Variants in OR51D1 observed in about 807,000 individuals in gnomAD.
The protein encoded by OR51D1 is olfactory receptor 51D1.
For synonymous variants in OR51D1, 187 were observed against 161.1 expected (o/e 1.16, Z -1.22); for missense variants, 452 against 396.2 (o/e 1.14, Z -1.20).
In OR51D1 at chr11:4,640,237, G is replaced by C; in HGVS notation, c.447G>C (p.Leu149=). 6.2e-7 allele frequency: 1 copy of C among 1,614,232 alleles called. No homozygotes were observed. Among genetic ancestry groups the C allele is most frequent in the South Asian group, 1.1e-5 (1 of 91,088 alleles). ...ICHPLRHASV[L]TGCTVAKIGL... The stretch of plus-strand genomic sequence containing the variant: ...ACCCATTGCGCCATGCTTCTGTGCT[G>C]ACAGGGTGTACTGTGGCCAAGATTG... Residue 149 remains leucine, a synonymous_variant, in exon 2 of 2, where the codon CTG becomes CTC. Coordinates refer to ENST00000641817, the MANE Select transcript of OR51D1 (RefSeq NM_001004751.3).
At chr11:4,639,745 A>G in intron 1 of OR51D1, 32 bp from the exon 2 acceptor site, 1 of 1,577,702 alleles carries the variant, frequency 6.3e-7, no homozygotes, top group Non-Finnish European at 8.6e-7. Flanking sequence ...CAACTAAATG[A>G]TGTTTCTACT....
chr11:4,639,517 A>T (rs989598563), intron 1 of OR51D1, among the ~76,000 whole-genome samples: 3 of 152,208 alleles, frequency 2.0e-5, no homozygotes, highest in Non-Finnish European at 4.4e-5. Flanking sequence ...GTGGGTCTTC[A>T]CACACTGAGA....
In OR51D1 at chr11:4,639,899, C is replaced by A. The variant is rs749655480; in HGVS notation, c.109C>A (p.His37Asn). ...VGIPGLGPTI[H>N]FWLAFPLCFM... The stretch of plus-strand genomic sequence containing the variant: ...TATCCCTGGCCTGGGGCCTACCATA[C>A]ACTTTTGGCTGGCTTTCCCACTGTG... The change falls in exon 2 of 2, where the codon CAC becomes AAC. Residue 37 changes from histidine (H) to asparagine (N), a missense_variant. Physicochemically the swap from His to Asn is moderately conservative, Grantham distance 68 (BLOSUM62 1). Transcript: ENST00000641817. 1 of 1,614,248 alleles carries A rather than the reference C, an allele frequency of 6.2e-7. No homozygotes were observed. The highest frequency in any genetic ancestry group is 8.5e-7 in the Non-Finnish European group (1 of 1,180,044).
chr11:4,640,041 T>C lies in OR51D1; in HGVS notation c.251T>C (p.Leu84Pro), dbSNP rs760047300. The change falls in exon 2 of 2, where the codon CTA becomes CCA. Residue 84 changes from leucine (L) to proline (P), a missense_variant. Leu to Pro is a moderately conservative substitution (Grantham distance 98, BLOSUM62 -3). Coordinates refer to ENST00000641817, the MANE Select transcript of OR51D1 (RefSeq NM_001004751.3). Reference protein sequence around the residue: ...LFLAMLSTIDLVLSSITMPKM... With the variant: ...LFLAMLSTIDPVLSSITMPKM... ...CTGGCCATGCTTTCCACTATTGACC[T>C]AGTCCTCTCCTCTATCACCATGCCC... is the stretch of plus-strand genomic sequence containing the variant. 1 of 1,614,202 alleles carries C rather than the reference T, an allele frequency of 6.2e-7. No homozygotes were observed.
chr11:4,641,518 C>T lies in OR51D1; in HGVS notation c.*753C>T, dbSNP rs561159871. 9 of 152,390 alleles carry T rather than the reference C, an allele frequency of 5.9e-5. No homozygotes were observed. Among genetic ancestry groups the T allele is most frequent in the Admixed American group, 1.3e-4 (2 of 15,280 alleles). The allele number at this position is 152,390 out of a possible 1,614,324, so 9.4% of individuals were successfully genotyped here. On this transcript the variant is annotated 3_prime_UTR_variant, in exon 2 of 2. Transcript: ENST00000641817. Reference sequence around the variant, plus strand: ...CCTGGCACATGTATGTTTCATGAGACGTGTCTCTGATTGCGCATTTGTATT... The same window carrying T: ...CCTGGCACATGTATGTTTCATGAGATGTGTCTCTGATTGCGCATTTGTATT...
chr11:4,639,963 T>C lies in OR51D1; in HGVS notation c.173T>C (p.Ile58Thr), dbSNP rs752892277. Residue 58 changes from isoleucine (I) to threonine (T), a missense_variant, in exon 2 of 2, where the codon ATT becomes ACT. Ile to Thr is a moderately conservative substitution (Grantham distance 89). Transcript: ENST00000641817. ...YALATLGNLT[I>T]VLIIRVERRL... ...TTGGCCACCCTGGGTAACCTGACCATTGTCCTCATCATTCGTGTGGAGAGG... is the reference window on the plus strand; with the variant it reads ...TTGGCCACCCTGGGTAACCTGACCACTGTCCTCATCATTCGTGTGGAGAGG... 3.1e-6 allele frequency: 5 copies of C among 1,614,078 alleles called. No individual in the cohort carries two copies. In the South Asian group the frequency reaches 4.4e-5, roughly 14 times the overall value.
Position 4,642,227 on chromosome 11 carries a change from G to A in OR51D1, c.*1462G>A, listed in dbSNP as rs1048568487. ...TCATCCTGAACACAAGGATTTCAAG[G>A]GCTTTTGTTACCTCTTCCTACGTTT... On this transcript the variant is annotated 3_prime_UTR_variant, in exon 2 of 2. Coordinates refer to ENST00000641817, the MANE Select transcript of OR51D1 (RefSeq NM_001004751.3). The A allele has an allele frequency of 2.0e-5, 3 of 152,092 alleles. No individual in the cohort carries two copies. Among genetic ancestry groups the A allele is most frequent in the Admixed American group, 2.0e-4 (3 of 15,256 alleles). The allele number at this position is 152,092 out of a possible 1,614,324, so 9.4% of individuals were successfully genotyped here. A position where few individuals can be genotyped will look rare whatever the true frequency, so the allele number is the denominator to read the frequency against.
chr11:4,640,176 T>C lies in OR51D1; in HGVS notation c.386T>C (p.Leu129Pro). The change falls in exon 2 of 2, where the codon CTG (leucine) becomes CCG (proline). Residue 129 changes from leucine (L) to proline (P), a missense_variant. By Grantham distance (98) the Leu-to-Pro change is moderately conservative (BLOSUM62 -3). Transcript: ENST00000641817. ...ALSAVESAVL[L>P]AMAFDRFVAI... ...TCAGCCGTGGAGTCAGCTGTCCTGC[T>C]GGCCATGGCTTTTGACCGCTTTGTG... 1.9e-6 allele frequency: 3 copies of C among 1,614,268 alleles called. No individual in the cohort carries two copies. The highest frequency in any genetic ancestry group is 2.5e-6 in the Non-Finnish European group (3 of 1,180,056).
In OR51D1 at chr11:4,640,874, A is replaced by G. The variant is rs1846960822; in HGVS notation, c.*109A>G. 3.0e-6 allele frequency: 3 copies of G among 997,750 alleles called. No individual in the cohort carries two copies. Among genetic ancestry groups the G allele is most frequent in the Non-Finnish European group, 4.4e-6 (3 of 681,552 alleles). The allele number at this position is 997,750 out of a possible 1,614,324, so 61.8% of individuals were successfully genotyped here. A position where few individuals can be genotyped will look rare whatever the true frequency, so the allele number is the denominator to read the frequency against. On this transcript the variant is annotated 3_prime_UTR_variant, in exon 2 of 2. Coordinates refer to ENST00000641817, the MANE Select transcript of OR51D1 (RefSeq NM_001004751.3). ...CAAACCTATTGTGCTGTCTTCTTCC[A>G]GCAATTTAAGTAGATCATGTATTCT...
At chr11:4,638,709 C>A (rs910972295) in intron 1 of OR51D1, among the ~76,000 whole-genome samples, 4 of 152,180 alleles carry the variant, frequency 2.6e-5, no homozygotes, top group African/African-American at 4.8e-5. Context: ...CCCAAGAACA[C>A]CAGAACAACT....
intron 1 of OR51D1, among the ~76,000 whole-genome samples, chr11:4,639,511 G>T (rs1415925855): frequency 1.3e-5 from 2 of 152,202 alleles, no homozygotes; most frequent in Non-Finnish European, 2.9e-5. Context: ...TTATGAGTGG[G>T]TCTTCACACA....
chr11:4,640,797 A>G lies in OR51D1; in HGVS notation c.*32A>G, dbSNP rs777789165. 4.5e-6 allele frequency: 7 copies of G among 1,565,664 alleles called. No homozygotes were observed. The highest frequency in any genetic ancestry group is 2.2e-5 in the East Asian group (1 of 44,506). On this transcript the variant is annotated 3_prime_UTR_variant, in exon 2 of 2. Coordinates refer to ENST00000641817, the MANE Select transcript of OR51D1 (RefSeq NM_001004751.3). ...TTAGTGTCTCGCTTCTACTACTACT[A>G]CAGAAGATGGGAATATTAGGATCCT...
intron 1 of OR51D1, among the ~76,000 whole-genome samples, chr11:4,639,004 G>A (rs11033129): frequency 6.6e-6 from 1 of 151,940 alleles, no homozygotes; most frequent in African/African-American, 2.4e-5. Flanking sequence ...TGTTGGCCTG[G>A]CTGGTCTCGA....
chr11:4,639,771 T>C lies in OR51D1; in HGVS notation c.-14-6T>C. The C allele has an allele frequency of 1.2e-6, 2 of 1,607,544 alleles. No homozygotes were observed. The highest frequency in any genetic ancestry group is 1.7e-6 in the Non-Finnish European group (2 of 1,175,880). On this transcript the variant is annotated splice_region_variant and splice_polypyrimidine_tract_variant and intron_variant, in intron 1 of 1. Coordinates refer to ENST00000641817, the MANE Select transcript of OR51D1 (RefSeq NM_001004751.3). ...TGTTTCTACTTTTCCCTTTCTACTT[T>C]CCTAGACCCTGGATTTTGTATGCAG...
At position 4,640,084 on chromosome 11, in the gene OR51D1, C is replaced by T. The variant is rs774121113; in HGVS notation, c.294C>T (p.Phe98=). The change falls in exon 2 of 2, where the codon TTC becomes TTT. Residue 98 remains phenylalanine, a synonymous_variant. Coordinates refer to ENST00000641817, the MANE Select transcript of OR51D1 (RefSeq NM_001004751.3). ...CCATGCCCAAGATGGCCAGTCTTTTCCTGATGGGCATCCAGGAGATCGAGT... is the reference window on the plus strand; with the variant it reads ...CCATGCCCAAGATGGCCAGTCTTTTTCTGATGGGCATCCAGGAGATCGAGT... ...SITMPKMASL[F]LMGIQEIEFN... is the part of the protein sequence containing the mutation. The T allele has an allele frequency of 2.5e-6, 4 of 1,614,200 alleles. No homozygotes were observed. The East Asian group carries it at 6.7e-5, about 27-fold the overall frequency.
chr11:4,640,494 T>C lies in OR51D1; in HGVS notation c.704T>C (p.Leu235Pro), dbSNP rs1164962170. 1 of 1,613,992 alleles carries C rather than the reference T, an allele frequency of 6.2e-7. No individual in the cohort carries two copies. Among genetic ancestry groups the C allele is most frequent in the Non-Finnish European group, 8.5e-7 (1 of 1,180,046 alleles). The change falls in exon 2 of 2, where the codon CTG (leucine) becomes CCG (proline). Residue 235 changes from leucine (L) to proline (P), a missense_variant. By Grantham distance (98) the Leu-to-Pro change is moderately conservative. Coordinates refer to ENST00000641817, the MANE Select transcript of OR51D1 (RefSeq NM_001004751.3). ...ATTGGCTTCTCATATATCCTCATCC[T>C]GTGGGCTGTTTTGGAGCTGTCCTCT... ...LFIGFSYILI[L>P]WAVLELSSRR...
In OR51D1 at chr11:4,639,789, G is replaced by T; in HGVS notation, c.-2G>T. ...TCTACTTTCCTAGACCCTGGATTTT[G>T]TATGCAGAAGCCCCAGCTCTTGGTC... On this transcript the variant is annotated 5_prime_UTR_variant, in exon 2 of 2. Coordinates refer to ENST00000641817, the MANE Select transcript of OR51D1 (RefSeq NM_001004751.3). 1 of 1,610,582 alleles carries T rather than the reference G, an allele frequency of 6.2e-7. No individual in the cohort carries two copies. Among genetic ancestry groups the T allele is most frequent in the Non-Finnish European group, 8.5e-7 (1 of 1,177,602 alleles).
In OR51D1 at chr11:4,639,952, T is replaced by C; in HGVS notation, c.162T>C (p.Gly54=). The change falls in exon 2 of 2, where the codon GGT becomes GGC. Residue 54 remains glycine (G), a synonymous_variant. Coordinates refer to ENST00000641817, the MANE Select transcript of OR51D1 (RefSeq NM_001004751.3). ...TTATGTATGCCTTGGCCACCCTGGGTAACCTGACCATTGTCCTCATCATTC... is the reference window on the plus strand; with the variant it reads ...TTATGTATGCCTTGGCCACCCTGGGCAACCTGACCATTGTCCTCATCATTC... ...LCFMYALATL[G]NLTIVLIIRV... 1 of 1,614,224 alleles carries C rather than the reference T, an allele frequency of 6.2e-7. No individual in the cohort carries two copies. The highest frequency in any genetic ancestry group is 1.1e-5 in the South Asian group (1 of 91,080).
rs1296415166 is a variant in OR51D1, at chr11:4,640,367, C to A, written c.577C>A (p.Leu193Met). ...ACATACTGTCACACACTCCTTCTGT[C>A]TGCACCAAGATATTATGAAGCTGTC... ...QTHTVTHSFCLHQDIMKLSCT... is the reference protein window; with the variant it reads ...QTHTVTHSFCMHQDIMKLSCT... Residue 193 changes from leucine (L) to methionine (M), a missense_variant, in exon 2 of 2, where the codon CTG becomes ATG. Transcript: ENST00000641817. 1 of 1,614,114 alleles carries A rather than the reference C, an allele frequency of 6.2e-7. No individual in the cohort carries two copies. Among genetic ancestry groups the A allele is most frequent in the Non-Finnish European group, 8.5e-7 (1 of 1,180,046 alleles).
Sources: gnomAD v4.1 joint callset for allele counts (sites outside exome capture counted in the v4.1 genomes callset) on GRCh38, gnomAD v4.1.1 for gene constraint, MANE v1.5 for transcripts, NCBI Gene and HGNC (gene_info 2026-07-23, HGNC 2026-07-21) for gene names.